Variants in CDH18 observed in about 807,000 individuals in gnomAD.
The protein encoded by CDH18 is cadherin-18.
CDH18 carries 31 observed loss-of-function variants against 67.9 expected under a neutral mutation model. The observed-to-expected ratio is 0.46, with a 90% confidence interval of 0.34 to 0.62. CDH18 has a LOEUF of 0.62. Ranked by LOEUF, CDH18 falls within the 20% of genes least tolerant of loss-of-function variation. CDH18 has a pLI of 0.01. For synonymous variants in CDH18, 362 were observed against 347.2 expected, an observed-to-expected ratio of 1.04 and a Z score of -0.48; for missense variants, 890 against 975.5, an observed-to-expected ratio of 0.91 and a Z score of 1.17.
At chr5:19,732,044 C>T (rs987065928) in intron 4 of CDH18, among the ~76,000 whole-genome samples, 2 of 151,554 alleles carry the variant, frequency 1.3e-5, no homozygotes, top group African/African-American at 4.9e-5. Flanking sequence ...GAGCCCTGAT[C>T]GTGCCATTGC....
chr5:19,802,270 G>T (rs1777550758), intron 3 of CDH18, among the ~76,000 whole-genome samples: 1 of 152,060 alleles, frequency 6.6e-6, no homozygotes, highest in South Asian at 2.1e-4. Flanking sequence ...ATGCAAAGTA[G>T]CTAATGAACT....
At chr5:19,844,387 C>T (rs1581610724) in intron 2 of CDH18, among the ~76,000 whole-genome samples, 5 of 152,210 alleles carry the variant, frequency 3.3e-5, no homozygotes, top group South Asian at 2.1e-4. Context: ...GGGGCTCTTT[C>T]CCCTTTGTTC....
At chr5:20,304,262 G>C (rs1736214102) in intron 1 of CDH18, 1 of 1,598,678 alleles carries the variant, frequency 6.3e-7, no homozygotes, top group Non-Finnish European at 8.6e-7. Context: ...ATTGGTGTCT[G>C]CCCGCACCAA....
intron 10 of CDH18, among the ~76,000 whole-genome samples, chr5:19,506,356 G>T (rs2126790289): frequency 6.6e-6 from 1 of 152,260 alleles, no homozygotes; most frequent in East Asian, 1.9e-4. Flanking sequence ...TAGATTCAAT[G>T]CCATCCCCAT....
intron 1 of CDH18, among the ~76,000 whole-genome samples, chr5:20,333,000 A>G (rs4376267): frequency 0.064 from 9,780 of 152,214 alleles, 440 homozygotes; most frequent in South Asian, 0.16. Context: ...CCACACAGAC[A>G]TGGAGAGAAC....
At chr5:19,611,775 A>G (rs1040754354) in intron 6 of CDH18, among the ~76,000 whole-genome samples, 6 of 152,088 alleles carry the variant, frequency 3.9e-5, no homozygotes, top group Non-Finnish European at 4.4e-5. Context: ...TTATAATTAT[A>G]TCCTTTACAT....
At chr5:20,236,960 A>G (rs1014675584) in intron 2 of CDH18, among the ~76,000 whole-genome samples, 12 of 152,042 alleles carry the variant, frequency 7.9e-5, no homozygotes, top group Non-Finnish European at 2.9e-5. Flanking sequence ...ACAAACAAAA[A>G]GAAAGAAAAG....
At chr5:19,826,799 T>A (rs954727284) in intron 3 of CDH18, among the ~76,000 whole-genome samples, 3 of 152,066 alleles carry the variant, frequency 2.0e-5, no homozygotes, top group African/African-American at 7.2e-5. Context: ...CATAGATCAT[T>A]GACACTATAA....
At chr5:19,571,452 T>C (rs1741370256) in intron 8 of CDH18, 127 bp downstream of exon 8, 18 of 846,550 alleles carry the variant, frequency 2.1e-5, no homozygotes, top group Non-Finnish European at 3.1e-5. Flanking sequence ...ATTAATATTA[T>C]AATTTAATTA....
At chr5:20,442,878 T>G (rs1041531526) in intron 1 of CDH18, among the ~76,000 whole-genome samples, 2 of 151,898 alleles carry the variant, frequency 1.3e-5, no homozygotes, top group African/African-American at 2.4e-5. Context: ...TAGACACTAC[T>G]AAAAAGCAAC....
At chr5:19,942,885 G>C (rs1293052316) in intron 2 of CDH18, among the ~76,000 whole-genome samples, 1 of 152,134 alleles carries the variant, frequency 6.6e-6, no homozygotes, top group Non-Finnish European at 1.5e-5. Context: ...GTCACTGTTA[G>C]GGCTTAATTA....
At chr5:19,575,083 C>T (rs1412124794) in intron 7 of CDH18, among the ~76,000 whole-genome samples, 1 of 152,100 alleles carries the variant, frequency 6.6e-6, no homozygotes, top group Non-Finnish European at 1.5e-5. Context: ...GATGCTCATA[C>T]TTAATGAGTG....
intron 5 of CDH18, among the ~76,000 whole-genome samples, chr5:19,666,237 TTTATTATTATTATTATTATTATTATTA>T (rs70950082): frequency 7.8e-6 from 1 of 128,162 alleles, no homozygotes; most frequent in Non-Finnish European, 1.6e-5. Flanking sequence ...CTGTATGATT[TTTATTATTATTATTATTATTATTATTA>T]TTATTATTAT....
At chr5:20,239,646 C>A (rs1191218674) in intron 2 of CDH18, among the ~76,000 whole-genome samples, 1 of 152,052 alleles carries the variant, frequency 6.6e-6, no homozygotes, top group South Asian at 2.1e-4. Flanking sequence ...ATATTTATTT[C>A]AAATTGCATC....
intron 1 of CDH18, among the ~76,000 whole-genome samples, chr5:20,406,656 A>T (rs937868373): frequency 2.0e-5 from 3 of 152,178 alleles, no homozygotes; most frequent in South Asian, 2.1e-4. Context: ...ATTGAATAAC[A>T]TTTAAAAGGG....
chr5:19,621,068 A>G (rs953135198), intron 5 of CDH18, among the ~76,000 whole-genome samples: 5 of 152,174 alleles, frequency 3.3e-5, no homozygotes, highest in African/African-American at 1.2e-4. Context: ...GACTTTCACA[A>G]TAGGTTTACC....
chr5:19,985,349 T>A (rs947557358), intron 1 of CDH18, among the ~76,000 whole-genome samples: 2 of 152,108 alleles, frequency 1.3e-5, no homozygotes, highest in Non-Finnish European at 2.9e-5. Flanking sequence ...ATACATCCTT[T>A]GGTTTGGCTT....
rs1315326932 is a variant in CDH18, at chr5:20,056,744, T to C, written c.-517-64730A>G. On this transcript the variant is annotated intron_variant, in intron 2 of 14. Coordinates refer to the CDH18 transcript ENST00000507958. Reference sequence around the variant, plus strand: ...TGTCGCCCAGGCTGGAGTGCGGTGGTGCGATCTCGGCTCACTGCAAGCTCC... The same window carrying C: ...TGTCGCCCAGGCTGGAGTGCGGTGGCGCGATCTCGGCTCACTGCAAGCTCC... Among the ~76,000 whole-genome samples, 129 of 134,418 alleles carry C rather than the reference T, an allele frequency of 9.6e-4. 1 individual carries two copies. The highest frequency in any genetic ancestry group is 3.5e-3 in the African/African-American group (128 of 36,118). The allele number at this position is 134,418 out of a possible 152,430, so 88.2% of individuals were successfully genotyped here.
In CDH18 at chr5:19,660,353, C is replaced by A. The variant is rs557531408; in HGVS notation, c.644-47752G>T. Among the ~76,000 whole-genome samples, 9 of 152,164 alleles carry A rather than the reference C, an allele frequency of 5.9e-5. No homozygotes were observed. The South Asian group carries it at 1.9e-3, about 32-fold the overall frequency. ...ATTTCTCATTTTTTACAGTGAAACA[C>A]TGAGAGTGAATAATAAAGATGCTGA... On this transcript the variant is annotated intron_variant, in intron 5 of 12. Transcript: ENST00000382275.
Sources: gnomAD v4.1 joint callset for allele counts (sites outside exome capture counted in the v4.1 genomes callset) on GRCh38, gnomAD v4.1.1 for gene constraint, MANE v1.5 for transcripts, NCBI Gene and HGNC (gene_info 2026-07-23, HGNC 2026-07-21) for gene names.